Variants in CLU observed in about 807,000 individuals in gnomAD.
The protein encoded by CLU is aging-associated protein 4.
A neutral mutation model predicts 46.4 loss-of-function variants in CLU; 25 were observed. The ratio of observed to expected loss-of-function variants is 0.54; its 90% CI spans 0.39 to 0.75. The LOEUF (loss-of-function observed/expected upper bound fraction) is 0.75. Among genes scored for constraint, CLU ranks in the 30% least tolerant of loss-of-function variants. CLU has a pLI of 0.00. For missense variants in CLU, 504 were observed against 592.1 expected, an observed-to-expected ratio of 0.85 and a Z score of 1.54; for synonymous variants, 235 against 235.1, an observed-to-expected ratio of 1.00 and a Z score of 0.00.
chr8:27,607,680 TTA>T (rs1433982313), intron 3 of CLU, among the ~76,000 whole-genome samples: 1 of 152,024 alleles, frequency 6.6e-6, no homozygotes, highest in African/African-American at 2.4e-5. Context: ...GGCAAAAGGA[TTA>T]TGGAAAAACT....
chr8:27,598,206 G>A lies in CLU; in HGVS notation c.*35C>T, dbSNP rs13127. On this transcript the variant is annotated 3_prime_UTR_variant, in exon 9 of 9. Transcript: ENST00000316403. ...CTCATCTTGGGGGGAGCTGGACTCA[G>A]ATGCCCCCGTAGGTGCAAAAGCAAC... 2 of 1,611,448 alleles carry A rather than the reference G, an allele frequency of 1.2e-6. No homozygotes were observed. The highest frequency in any genetic ancestry group is 2.2e-5 in the East Asian group (1 of 44,866).
chr8:27,610,488 G>A lies in CLU; in HGVS notation c.84C>T (p.Asp28=), dbSNP rs9331892. ...GQVLGDQTVS[D]NELQEMSNQG... Reference sequence around the variant, plus strand: ...TGGTCTACTCACCCTGGAGCTCATTGTCTGAGACCGTCTGGTCCCCCAGGA... The same window carrying A: ...TGGTCTACTCACCCTGGAGCTCATTATCTGAGACCGTCTGGTCCCCCAGGA... The change falls in exon 2 of 9, where the codon GAC becomes GAT. Residue 28 remains aspartate (D), a synonymous_variant. Transcript: ENST00000316403. 0.01 allele frequency: 16,592 copies of A among 1,613,914 alleles called. 1,541 individuals are homozygous for A. In the African/African-American group the frequency reaches 0.19, roughly 19 times the overall value.
chr8:27,612,985 C>T (rs1800956714), intron 1 of CLU, among the ~76,000 whole-genome samples: 1 of 150,642 alleles, frequency 6.6e-6, no homozygotes, highest in South Asian at 2.1e-4. Flanking sequence ...GCGGGGGGAG[C>T]AGGCAGACTT....
chr8:27,610,437 C>T (rs762940117), intron 2 of CLU, 38 bp downstream of exon 2: 11 of 1,531,746 alleles, frequency 7.2e-6, no homozygotes, highest in Admixed American at 5.0e-5. Flanking sequence ...GACCTCATCA[C>T]CCTGTGGCCA....
intron 1 of CLU, chr8:27,614,118 A>G (rs1190623788): frequency 6.6e-6 from 1 of 152,310 alleles, no homozygotes; most frequent in African/African-American, 2.4e-5. Flanking sequence ...GGAGGCAGAA[A>G]AAGTCGGATT....
Position 27,605,037 on chromosome 8 carries a change from T to C in CLU, c.716A>G (p.Asn239Ser). ...GAAGGGCTGGAACATGGCGTGGAAG[T>C]TCAGGGGCTCGTACGGAGAGAAGGG... ...LMPFSPYEPL[N>S]FHAMFQPFLE... Residue 239 changes from asparagine to serine, a missense_variant, in exon 5 of 9, where the codon AAC (asparagine) becomes AGC (serine). By Grantham distance (46) the Asn-to-Ser change is conservative. Coordinates refer to ENST00000316403, the MANE Select transcript of CLU (RefSeq NM_001831.4). 6.2e-7 allele frequency: 1 copy of C among 1,613,860 alleles called. No homozygotes were observed. Among genetic ancestry groups the C allele is most frequent in the Non-Finnish European group, 8.5e-7 (1 of 1,179,964 alleles).
intron 6 of CLU, among the ~76,000 whole-genome samples, chr8:27,604,018 C>T (rs1254172622): frequency 6.6e-6 from 1 of 152,176 alleles, no homozygotes; most frequent in Admixed American, 6.5e-5. Context: ...AAGCTTTTTT[C>T]AACATGGGGC....
At chr8:27,608,622 G>C in intron 3 of CLU, 1 of 520,972 alleles carries the variant, frequency 1.9e-6, no homozygotes, top group Non-Finnish European at 3.5e-6. Flanking sequence ...GCCTGTCTGG[G>C]CCCCTGCCGC....
Position 27,600,030 on chromosome 8 carries a change from C to T in CLU, c.935-21G>A, listed in dbSNP as rs868837877. ...ACAGTCTGCCCAGAGATGGAAGAAA[C>T]GCAAGTGAGAAGTGTGAAGGGAAGG... is the stretch of plus-strand genomic sequence containing the variant. On this transcript the variant is annotated intron_variant, in intron 6 of 8. Coordinates refer to ENST00000316403, the MANE Select transcript of CLU (RefSeq NM_001831.4). The T allele has an allele frequency of 1.1e-5, 17 of 1,585,976 alleles. No homozygotes were observed. In the East Asian group the frequency reaches 1.3e-4, roughly 13 times the overall value.
At chr8:27,610,666 G>T (rs2128910315) in intron 1 of CLU, 66 bp from the exon 2 acceptor site, 2 of 1,228,666 alleles carry the variant, frequency 1.6e-6, no homozygotes, top group East Asian at 4.7e-5. Flanking sequence ...CCCACCTGCT[G>T]CCTGCAGCAG....
At chr8:27,607,128 A>G (rs1253798256) in intron 3 of CLU, among the ~76,000 whole-genome samples, 1 of 152,198 alleles carries the variant, frequency 6.6e-6, no homozygotes, top group Non-Finnish European at 1.5e-5. Context: ...ACTTGGGGTC[A>G]GGAGTTTGAG....
chr8:27,606,304 C>T (rs776234659), intron 4 of CLU, 50 bp downstream of exon 4: 4 of 1,598,800 alleles, frequency 2.5e-6, no homozygotes, highest in Non-Finnish European at 2.6e-6. Flanking sequence ...TCACTAGGCT[C>T]CCCTCCTTCC....
At chr8:27,614,585 G>C (rs1321709668) in intron 1 of CLU, 70 bp downstream of exon 1, 1 of 453,542 alleles carries the variant, frequency 2.2e-6, no homozygotes, top group African/African-American at 2.1e-5. Context: ...CTGCCTGGCT[G>C]CCATCCCCTG....
At chr8:27,611,114 G>A (rs1284783840) in intron 1 of CLU, 1 of 435,592 alleles carries the variant, frequency 2.3e-6, no homozygotes, top group Non-Finnish European at 4.6e-6. Flanking sequence ...ATTCACCACA[G>A]CGCTGCAGCC....
chr8:27,614,539 C>T, intron 1 of CLU, 116 bp downstream of exon 1: 1 of 375,326 alleles, frequency 2.7e-6, no homozygotes, highest in South Asian at 2.1e-5. Context: ...CCGTCGAAAG[C>T]GCAGGGGTTG....
rs1221609289 is a variant in CLU at position 27,598,212 on chromosome 8, C to G, written c.*29G>C. 1 of 1,612,960 alleles carries G rather than the reference C, an allele frequency of 6.2e-7. No homozygotes were observed. Among genetic ancestry groups the G allele is most frequent in the African/African-American group, 1.3e-5 (1 of 74,964 alleles). On this transcript the variant is annotated 3_prime_UTR_variant, in exon 9 of 9. Coordinates refer to ENST00000316403, the MANE Select transcript of CLU (RefSeq NM_001831.4). ...TTGGGGGGAGCTGGACTCAGATGCC[C>G]CCGTAGGTGCAAAAGCAACATCCAC...
rs1800680488 is a variant in CLU at position 27,599,658 on chromosome 8, G to A, written c.1164+122C>T. ...GGGTGATGAGGCTTCAAGGCAACAGGGGCGCCTAAAGTTTTCTATTTTCTG... is the reference window on the plus strand; with the variant it reads ...GGGTGATGAGGCTTCAAGGCAACAGAGGCGCCTAAAGTTTTCTATTTTCTG... On this transcript the variant is annotated intron_variant, in intron 7 of 8. Transcript: ENST00000316403. This position sits in a 1 kb window ranked among gnomAD's most constrained non-coding sequence, Gnocchi z 4.0. 15 of 749,506 alleles carry A rather than the reference G, an allele frequency of 2.0e-5. No individual in the cohort carries two copies. The South Asian group carries it at 2.3e-4, about 11-fold the overall frequency. The allele number at this position is 749,506 out of a possible 1,614,324, so 46.4% of individuals were successfully genotyped here.
At chr8:27,602,759 A>C (rs1048836804) in intron 6 of CLU, among the ~76,000 whole-genome samples, 1 of 152,024 alleles carries the variant, frequency 6.6e-6, no homozygotes, top group East Asian at 1.9e-4. Context: ...ATTCTTACCA[A>C]TAATTCTCTA....
At chr8:27,607,263 G>A (rs1427709519) in intron 3 of CLU, among the ~76,000 whole-genome samples, 1 of 152,110 alleles carries the variant, frequency 6.6e-6, no homozygotes, top group African/African-American at 2.4e-5. Context: ...CTTGAACCTG[G>A]GAGGCGGAGG....
Sources: gnomAD v4.1 joint callset for allele counts (sites outside exome capture counted in the v4.1 genomes callset) on GRCh38, gnomAD v4.1.1 for gene constraint, Gnocchi (gnomAD v3.1) non-coding constraint, MANE v1.5 for transcripts, NCBI Gene and HGNC (gene_info 2026-07-23, HGNC 2026-07-21) for gene names.